The following NTRK2 variants were observed in gnomAD, a reference collection of about 807,000 sequenced individuals.
NTRK2 encodes the protein neurotrophic receptor tyrosine kinase 2.
Under a neutral mutation model 94.5 loss-of-function variants are expected in NTRK2, and 13 were observed. The ratio of observed to expected loss-of-function variants is 0.14; its 90% CI spans 0.09 to 0.22. The LOEUF (loss-of-function observed/expected upper bound fraction) is 0.22, where lower values mean the gene tolerates loss of function less well. NTRK2 is among the 10% of genes least tolerant of loss of function. The probability of loss-of-function intolerance (pLI) is 1.00; values close to 1 mark genes in which losing one functional copy is unlikely to be tolerated. For missense variants in NTRK2, 639 were observed against 1,071.2 expected (o/e 0.60, Z 5.63); for synonymous variants, 372 against 407.4 (o/e 0.91, Z 1.05).
intron 12 of NTRK2, among the ~76,000 whole-genome samples, chr9:84,789,087 C>T (rs1588612916): frequency 6.6e-6 from 1 of 152,230 alleles, no homozygotes; most frequent in East Asian, 1.9e-4. Context: ...AGCAGAAAAG[C>T]CAGCTCTCAA....
At chr9:84,957,505 T>G (rs1824290173) in intron 17 of NTRK2, among the ~76,000 whole-genome samples, 1 of 152,214 alleles carries the variant, frequency 6.6e-6, no homozygotes, top group South Asian at 2.1e-4. Flanking sequence ...CATGAAAAGA[T>G]GGGTGACATC....
At chr9:84,847,488 A>C (rs2074528366) in intron 12 of NTRK2, among the ~76,000 whole-genome samples, 1 of 152,102 alleles carries the variant, frequency 6.6e-6, no homozygotes, top group Non-Finnish European at 1.5e-5. Flanking sequence ...GCTCTTTTCC[A>C]TTTGGGTGGC....
rs536417005 is a variant in NTRK2 at position 84,685,499 on chromosome 9, G to A, written c.212+14539G>A. Among the ~76,000 whole-genome samples, 21 of 151,986 alleles carry A rather than the reference G, an allele frequency of 1.4e-4. No individual in the cohort carries two copies. The East Asian group carries it at 3.3e-3, about 24-fold the overall frequency. On this transcript the variant is annotated intron_variant, in intron 2 of 18. Coordinates refer to ENST00000277120, the MANE Select transcript of NTRK2 (RefSeq NM_006180.6). ...GCTTGCCTAGCTCCCCTGCTTGATA[G>A]TGGTGTTTTTAACAAAGATGGCATT...
chr9:84,856,005 C>T lies in NTRK2; in HGVS notation c.1397-5035C>T, dbSNP rs539686033. Among the ~76,000 whole-genome samples, 136 of 152,290 alleles carry T rather than the reference C, an allele frequency of 8.9e-4. 2 individuals are homozygous for T. The highest frequency in any genetic ancestry group is 2.3e-3 in the Admixed American group (35 of 15,292). Reference sequence around the variant, plus strand: ...AACCACAAGGGAAGCTGGGAAATATCGTGTAGCTATTAGCCCAGCAGGGTG... The same window carrying T: ...AACCACAAGGGAAGCTGGGAAATATTGTGTAGCTATTAGCCCAGCAGGGTG... On this transcript the variant is annotated intron_variant, in intron 12 of 18. Transcript: ENST00000277120.
At position 84,813,239 on chromosome 9, in the gene NTRK2, G is replaced by A. The variant is rs368332120; in HGVS notation, c.1397-47801G>A. 5 of 1,051,328 alleles carry A rather than the reference G, an allele frequency of 4.8e-6. No individual in the cohort carries two copies. The African/African-American group carries it at 6.6e-5, about 14-fold the overall frequency. The allele number at this position is 1,051,328 out of a possible 1,614,324, so 65.1% of individuals were successfully genotyped here. A position where few individuals can be genotyped will look rare whatever the true frequency, so the allele number is the denominator to read the frequency against. ...TGAGCCGATGCCTGCCCTTCCAGAG[G>A]GGCCACTGTCCCCAGCCGCAGCCAA... is the stretch of plus-strand genomic sequence containing the variant. On this transcript the variant is annotated intron_variant, in intron 12 of 18. Coordinates refer to ENST00000277120, the MANE Select transcript of NTRK2 (RefSeq NM_006180.6).
intron 17 of NTRK2, among the ~76,000 whole-genome samples, chr9:84,995,197 T>G (rs1211858239): frequency 6.6e-6 from 1 of 152,170 alleles, no homozygotes; most frequent in African/African-American, 2.4e-5. Context: ...CTGGGTCTAC[T>G]GCCAGCATGT....
At chr9:84,856,601 C>G (rs1232921119) in intron 12 of NTRK2, among the ~76,000 whole-genome samples, 1 of 152,158 alleles carries the variant, frequency 6.6e-6, no homozygotes, top group Non-Finnish European at 1.5e-5. Flanking sequence ...CATTCTCTCC[C>G]TGAAGCAAAG....
At chr9:85,019,181 T>C (rs1331124301) in intron 17 of NTRK2, among the ~76,000 whole-genome samples, 3 of 152,150 alleles carry the variant, frequency 2.0e-5, no homozygotes, top group African/African-American at 7.2e-5. Flanking sequence ...GAGATTAGAA[T>C]TGGGCAGAAA....
chr9:84,680,166 A>G (rs1463736065), intron 2 of NTRK2, among the ~76,000 whole-genome samples: 2 of 152,318 alleles, frequency 1.3e-5, no homozygotes, highest in Non-Finnish European at 1.5e-5. Context: ...TGCAAAAAGT[A>G]GTTCAGTGTC....
chr9:84,686,480 T>C (rs921212435), intron 2 of NTRK2, among the ~76,000 whole-genome samples: 1 of 152,226 alleles, frequency 6.6e-6, no homozygotes, highest in Non-Finnish European at 1.5e-5. Flanking sequence ...ATGGATATCC[T>C]TGTGGATCAA....
At chr9:84,891,200 T>C (rs959117974) in intron 14 of NTRK2, among the ~76,000 whole-genome samples, 1 of 152,042 alleles carries the variant, frequency 6.6e-6, no homozygotes, top group African/African-American at 2.4e-5. Context: ...TGCTTGTGCT[T>C]CTTCACGTCA....
intron 12 of NTRK2, chr9:84,814,527 T>C (rs1372183417): frequency 9.4e-7 from 1 of 1,065,924 alleles, no homozygotes; most frequent in African/African-American, 1.6e-5. Flanking sequence ...TTCACAGAAT[T>C]AGAACACACA....
intron 12 of NTRK2, among the ~76,000 whole-genome samples, chr9:84,756,582 A>T (rs560552296): frequency 6.6e-6 from 1 of 152,324 alleles, no homozygotes; most frequent in South Asian, 2.1e-4. Flanking sequence ...TCCACATATG[A>T]TATCTAATTC....
At chr9:85,004,820 A>C (rs978774473) in intron 17 of NTRK2, among the ~76,000 whole-genome samples, 7 of 152,222 alleles carry the variant, frequency 4.6e-5, no homozygotes, top group Non-Finnish European at 8.8e-5. Context: ...ATGTGATCAC[A>C]TAACAGGTAG....
intron 9 of NTRK2, among the ~76,000 whole-genome samples, chr9:84,736,312 T>G (rs1247224894): frequency 6.6e-6 from 1 of 152,190 alleles, no homozygotes; most frequent in African/African-American, 2.4e-5. Context: ...GAAATGCGCG[T>G]CAGGAACAAA....
intron 9 of NTRK2, 130 bp downstream of exon 9, chr9:84,728,089 G>T: frequency 1.2e-6 from 1 of 827,086 alleles, no homozygotes. Context: ...TGTTGCTCAT[G>T]GATCCATAGG....
At chr9:84,971,842 T>C (rs1826220948) in intron 17 of NTRK2, among the ~76,000 whole-genome samples, 1 of 151,910 alleles carries the variant, frequency 6.6e-6, no homozygotes, top group Non-Finnish European at 1.5e-5. Context: ...GGAGGCAAAA[T>C]TGCAGGACCT....
At chr9:84,902,306 CA>C (rs1409738152) in intron 14 of NTRK2, among the ~76,000 whole-genome samples, 1 of 151,840 alleles carries the variant, frequency 6.6e-6, no homozygotes, top group Admixed American at 6.6e-5. Context: ...CAGAAAACTT[CA>C]AAAGATTCTT....
At chr9:84,894,058 G>T (rs758548396) in intron 14 of NTRK2, among the ~76,000 whole-genome samples, 70 of 151,990 alleles carry the variant, frequency 4.6e-4, no homozygotes, top group Non-Finnish European at 8.7e-4. Flanking sequence ...CCAAGTCTGG[G>T]TCTCTCAGTG....
Sources: gnomAD v4.1 joint callset for allele counts (sites outside exome capture counted in the v4.1 genomes callset) on GRCh38, gnomAD v4.1.1 for gene constraint, MANE v1.5 for transcripts, NCBI Gene and HGNC (gene_info 2026-07-23, HGNC 2026-07-21) for gene names.